MXRA8: variants seen among roughly 807,000 people sequenced by gnomAD.
The protein encoded by MXRA8 is matrix remodeling associated 8.
Under a neutral mutation model 51.4 loss-of-function variants are expected in MXRA8, and 44 were observed. The observed-to-expected ratio is 0.86, with a 90% CI of 0.67 to 1.10. MXRA8 has a LOEUF of 1.10. MXRA8 is among the 50% of genes least tolerant of loss of function. The pLI is 0.00. For synonymous variants in MXRA8, 369 were observed against 293.5 expected (o/e 1.26, Z -2.63); for missense variants, 765 against 638.9 (o/e 1.20, Z -2.13).
In MXRA8 at chr1:1,358,512, G is replaced by C. The variant is rs746019086; in HGVS notation, c.-8C>G. 4.4e-6 allele frequency: 7 copies of C among 1,606,440 alleles called. No individual in the cohort carries two copies. In the East Asian group the frequency reaches 1.6e-4, roughly 36 times the overall value. ...TCGGGATGGCAGCGCCATGGCCCCC[G>C]CCCAGCCCCAGGCTTTGTCCCACTC... On this transcript the variant is annotated 5_prime_UTR_variant, in exon 1 of 10. Transcript: ENST00000309212.
chr1:1,362,780 CAAAA>C (rs70949575), upstream of MXRA8, among the ~76,000 whole-genome samples: 2,433 of 141,104 alleles, frequency 0.017, 86 homozygotes, highest in African/African-American at 0.063. Context: ...GACTCCATCT[CAAAA>C]AAAAAAAAAA....
chr1:1,361,400 G>T (rs896334270), upstream of MXRA8: 9 of 691,786 alleles, frequency 1.3e-5, no homozygotes, highest in Admixed American at 6.1e-5. Flanking sequence ...CAGCCTCCTG[G>T]ACTGTGCTGC....
intron 1 of MXRA8, 72 bp downstream of exon 1, chr1:1,358,384 G>T (rs34841888): frequency 3.3e-6 from 5 of 1,499,134 alleles, no homozygotes; most frequent in African/African-American, 1.4e-5. Context: ...TCAGATGGGC[G>T]GTTTTGTCCG....
chr1:1,355,014 T>G lies in MXRA8; in HGVS notation c.617A>C (p.His206Pro). 1 of 1,606,554 alleles carries G rather than the reference T, an allele frequency of 6.2e-7. No individual in the cohort carries two copies. Among genetic ancestry groups the G allele is most frequent in the Non-Finnish European group, 8.5e-7 (1 of 1,177,712 alleles). ...RHVEEAQQVVHWDRQPPGVPH... is the reference protein window; with the variant it reads ...RHVEEAQQVVPWDRQPPGVPH... ...GACCCCGGGCGGCTGCCGGTCCCAGTGCACCACCTGTTGAGCCTCCTCCAC... is the reference window on the plus strand; with the variant it reads ...GACCCCGGGCGGCTGCCGGTCCCAGGGCACCACCTGTTGAGCCTCCTCCAC... Residue 206 changes from histidine (H) to proline (P), a missense_variant, in exon 5 of 10, where the codon CAC becomes CCC. By Grantham distance (77) the His-to-Pro change is moderately conservative. Transcript: ENST00000309212.
intron 2 of MXRA8, among the ~76,000 whole-genome samples, chr1:1,356,221 C>T (rs1437746175): frequency 3.9e-5 from 1 of 25,922 alleles, no homozygotes; most frequent in East Asian, 1.2e-3. Context: ...CCCGAGGGCC[C>T]TGGCAGGGGA....
intron 2 of MXRA8, 120 bp downstream of exon 2, chr1:1,356,561 T>A: frequency 4.0e-5 from 21 of 523,218 alleles, no homozygotes; most frequent in Non-Finnish European, 5.5e-5. Flanking sequence ...AGGGTCCTGA[T>A]GAGCAAGGGG....
At chr1:1,355,831 A>T in intron 2 of MXRA8, 79 bp from the exon 3 acceptor site, 3 of 108,244 alleles carry the variant, frequency 2.8e-5, no homozygotes, top group Non-Finnish European at 3.4e-5. Context: ...GGGGAGGGGC[A>T]GGGCCCTGGT....
intron 1 of MXRA8, among the ~76,000 whole-genome samples, chr1:1,358,015 G>A (rs1265558709): frequency 6.6e-6 from 1 of 152,142 alleles, no homozygotes; most frequent in Admixed American, 6.5e-5. Flanking sequence ...TGTGAAAACT[G>A]CCCCAGAGAT....
rs928542781 is a variant in MXRA8, at chr1:1,354,876, C to G, written c.755G>C (p.Arg252Pro). 44 of 1,611,654 alleles carry G rather than the reference C, an allele frequency of 2.7e-5. No individual in the cohort carries two copies. Among genetic ancestry groups the G allele is most frequent in the Non-Finnish European group, 3.7e-5 (44 of 1,179,554 alleles). ...RVAVGADAFERGDFSLRIEPL... is the reference protein window; with the variant it reads ...RVAVGADAFEPGDFSLRIEPL... The stretch of plus-strand genomic sequence containing the variant: ...CTCGATACGCAGTGAGAAGTCACCG[C>G]GCTCAAAGGCATCCGCGCCCACAGC... The change falls in exon 5 of 10, where the codon CGC becomes CCC. Residue 252 changes from arginine to proline, a missense_variant. By Grantham distance (103) the Arg-to-Pro change is moderately radical. Coordinates refer to ENST00000309212, the MANE Select transcript of MXRA8 (RefSeq NM_032348.4).
At chr1:1,361,140 CAG>C (rs1051294002), upstream of MXRA8, 24 of 699,032 alleles carry the variant, frequency 3.4e-5, no homozygotes, top group South Asian at 1.0e-4. Context: ...CACGGACACA[CAG>C]AGAAGATACA....
In MXRA8 at chr1:1,353,150, A is replaced by T; in HGVS notation, c.*454T>A. The T allele has an allele frequency of 1.1e-6, 1 of 901,884 alleles. No individual in the cohort carries two copies. The highest frequency in any genetic ancestry group is 1.8e-6 in the Non-Finnish European group (1 of 568,206). 55.9% of individuals were successfully genotyped at this position (901,884 alleles called of 1,614,324 possible). ...CCTGCCGAGGCTGACCCCAACTTCA[A>T]GGCTGCCAAGTTCTGATGGGAGTGT... On this transcript the variant is annotated 3_prime_UTR_variant, in exon 10 of 10. Coordinates refer to ENST00000309212, the MANE Select transcript of MXRA8 (RefSeq NM_032348.4).
chr1:1,361,403 T>G, upstream of MXRA8: 1 of 678,290 alleles, frequency 1.5e-6, no homozygotes, highest in Non-Finnish European at 2.7e-6. Flanking sequence ...CCTCCTGGAC[T>G]GTGCTGCATG....
chr1:1,354,896 C>A lies in MXRA8; in HGVS notation c.735G>T (p.Val245=). ...CACCGCGCTCAAAGGCATCCGCGCC[C>A]ACAGCCACGCGGTCGCGCAGAAAAA... The part of the protein sequence containing the change: ...GPLFLRDRVA[V]GADAFERGDF... Residue 245 remains valine, a synonymous_variant, in exon 5 of 10, where the codon GTG becomes GTT. Coordinates refer to ENST00000309212, the MANE Select transcript of MXRA8 (RefSeq NM_032348.4). The A allele has an allele frequency of 9.9e-6, 16 of 1,611,112 alleles. No homozygotes were observed. The highest frequency in any genetic ancestry group is 1.3e-5 in the Non-Finnish European group (15 of 1,179,296).
chr1:1,359,538 C>T (rs776237113), upstream of MXRA8: 7 of 985,392 alleles, frequency 7.1e-6, no homozygotes, highest in Non-Finnish European at 8.4e-6. Context: ...TTACAGGCCC[C>T]GAGGGCCCCA....
rs1458033513 is a variant in MXRA8, at chr1:1,355,621, G to T, written c.205C>A (p.Arg69Ser). Residue 69 changes from arginine to serine, a missense_variant, in exon 3 of 10, where the codon CGC becomes AGC. Coordinates refer to ENST00000309212, the MANE Select transcript of MXRA8 (RefSeq NM_032348.4). ...MVWTQDRLHD[R>S]QRVLHWDLRG... ...AGGTCCCAGTGGAGCACGCGCTGGC[G>T]GTCGTGCAGCCGGTCCTGGGTCCAC... 2 of 1,467,024 alleles carry T rather than the reference G, an allele frequency of 1.4e-6. No individual in the cohort carries two copies. The highest frequency in any genetic ancestry group is 1.8e-6 in the Non-Finnish European group (2 of 1,115,696). The allele number at this position is 1,467,024 out of a possible 1,614,324, so 90.9% of individuals were successfully genotyped here. A position where few individuals can be genotyped will look rare whatever the true frequency, so the allele number is the denominator to read the frequency against.
rs1427703222 is a variant in MXRA8, at chr1:1,354,252, T to TG, written c.1106-21dup. On this transcript the variant is annotated intron_variant, in intron 6 of 9. Coordinates refer to ENST00000309212, the MANE Select transcript of MXRA8 (RefSeq NM_032348.4). The stretch of plus-strand genomic sequence containing the variant: ...CGTAGCCTGGGAAGGAGACTCACAT[T>TG]GGGGGCAGTGCCGCCCCTTCCGCAG... 1 of 1,610,612 alleles carries TG rather than the reference T, an allele frequency of 6.2e-7. No homozygotes were observed.
In MXRA8 at chr1:1,358,422, A is replaced by G; in HGVS notation, c.49+34T>C. The G allele has an allele frequency of 2.2e-6, 3 of 1,387,634 alleles. No individual in the cohort carries two copies. The South Asian group carries it at 3.6e-5, about 17-fold the overall frequency. 86.0% of individuals were successfully genotyped at this position (1,387,634 alleles called of 1,614,324 possible). A position where few individuals can be genotyped will look rare whatever the true frequency, so the allele number is the denominator to read the frequency against. ...ACGGACTCGCACAGCCCCACGTGCCACCCCCCACCCGCCTCCCAGGGCCCC... is the reference window on the plus strand; with the variant it reads ...ACGGACTCGCACAGCCCCACGTGCCGCCCCCCACCCGCCTCCCAGGGCCCC... On this transcript the variant is annotated intron_variant, in intron 1 of 9. Coordinates refer to ENST00000309212, the MANE Select transcript of MXRA8 (RefSeq NM_032348.4).
At chr1:1,359,423 A>T, upstream of MXRA8, 1 of 985,308 alleles carries the variant, frequency 1.0e-6, no homozygotes, top group Non-Finnish European at 1.2e-6. Context: ...AGCAAACCCA[A>T]CTCCTTCTAA....
In MXRA8 at chr1:1,356,671, G is replaced by A. The variant is rs750002988; in HGVS notation, c.73+10C>T. ...AGTGGGGGTGGGCAGCTGGGGCTGG[G>A]GTCACTAACCTGAGTGCAGGAGAAC... On this transcript the variant is annotated intron_variant, in intron 2 of 9. Coordinates refer to ENST00000309212, the MANE Select transcript of MXRA8 (RefSeq NM_032348.4). 2.5e-5 allele frequency: 35 copies of A among 1,392,998 alleles called. No individual in the cohort carries two copies. The highest frequency in any genetic ancestry group is 3.1e-5 in the Non-Finnish European group (33 of 1,059,904). The allele number at this position is 1,392,998 out of a possible 1,614,324, so 86.3% of individuals were successfully genotyped here. A position where few individuals can be genotyped will look rare whatever the true frequency, so the allele number is the denominator to read the frequency against.
Sources: allele counts gnomAD v4.1 joint callset (sites outside exome capture counted in the v4.1 genomes callset), GRCh38; gene constraint gnomAD v4.1.1; transcripts MANE v1.5; gene names NCBI Gene and HGNC (gene_info 2026-07-23, HGNC 2026-07-21).